Variants in MYO16 observed in about 807,000 individuals in gnomAD.
MYO16 encodes myosin XVI, also known as unconventional myosin-XVI.
In MYO16, 94 loss-of-function variants were observed where a neutral mutation model predicts 205.3. The observed-to-expected ratio is 0.46, with a 90% CI of 0.39 to 0.54. MYO16 has a LOEUF of 0.54. MYO16 is among the 20% of genes least tolerant of loss of function. The pLI is 0.00. For synonymous variants in MYO16, 988 were observed against 954.0 expected, an observed-to-expected ratio of 1.04 and a Z score of -0.66; for missense variants, 2,315 against 2,387.5, an observed-to-expected ratio of 0.97 and a Z score of 0.63.
intron 20 of MYO16, among the ~76,000 whole-genome samples, chr13:108,967,416 A>G (rs533807231): frequency 1.3e-5 from 2 of 152,150 alleles, no homozygotes; most frequent in Non-Finnish European, 2.9e-5. Flanking sequence ...AACCCTGGGT[A>G]TCTTGCAGGT....
chr13:108,746,709 C>T (rs939476794), intron 4 of MYO16, among the ~76,000 whole-genome samples: 7 of 151,990 alleles, frequency 4.6e-5, no homozygotes, highest in African/African-American at 1.7e-4. Flanking sequence ...GGGCGGAAGA[C>T]ATATTTGGTT....
intron 32 of MYO16, among the ~76,000 whole-genome samples, chr13:109,143,619 C>T (rs1474212730): frequency 3.3e-5 from 5 of 151,426 alleles, no homozygotes; most frequent in African/African-American, 1.2e-4. Flanking sequence ...CTAGACAGAC[C>T]TCATCATTTG....
chr13:109,041,397 G>C (rs1886880035), intron 23 of MYO16, among the ~76,000 whole-genome samples: 1 of 152,030 alleles, frequency 6.6e-6, no homozygotes, highest in South Asian at 2.1e-4. Flanking sequence ...TACATTGAAA[G>C]GTAAAGAAGA....
At chr13:108,794,497 T>G (rs7998729) in intron 6 of MYO16, among the ~76,000 whole-genome samples, 27,354 of 152,220 alleles carry the variant, frequency 0.18, 2,570 homozygotes, top group Middle Eastern at 0.24. Flanking sequence ...AGGAGCATGC[T>G]TTCATTTTAG....
chr13:108,917,244 C>A (rs940002931), intron 16 of MYO16, among the ~76,000 whole-genome samples: 95 of 150,124 alleles, frequency 6.3e-4, no homozygotes, highest in Non-Finnish European at 1.1e-3. Flanking sequence ...TGGCTCAGCC[C>A]AGGTCTTAGG....
chr13:108,821,752 C>T (rs1875982613), intron 8 of MYO16, among the ~76,000 whole-genome samples: 1 of 152,230 alleles, frequency 6.6e-6, no homozygotes, highest in South Asian at 2.1e-4. Flanking sequence ...GCAATGAATG[C>T]ACTTCTGGTC....
chr13:108,506,719 T>C, the MYO16 span, among the ~76,000 whole-genome samples: 2 of 152,162 alleles, frequency 1.3e-5, no homozygotes, highest in East Asian at 3.9e-4. Context: ...TAGAACTATG[T>C]TGAATAGAAG....
At chr13:108,827,126 AAAG>A (rs1876315119) in intron 9 of MYO16, among the ~76,000 whole-genome samples, 1 of 152,184 alleles carries the variant, frequency 6.6e-6, no homozygotes, top group Non-Finnish European at 1.5e-5. Context: ...GAACAATAAA[AAAG>A]GGGGAACAAC....
intron 28 of MYO16, among the ~76,000 whole-genome samples, chr13:109,111,879 G>A (rs749450592): frequency 2.0e-5 from 3 of 151,964 alleles, no homozygotes; most frequent in Non-Finnish European, 2.9e-5. Context: ...GTAGAGACAG[G>A]GTTTCACCAT....
At chr13:109,129,364 A>G (rs1876421439) in intron 31 of MYO16, among the ~76,000 whole-genome samples, 1 of 152,090 alleles carries the variant, frequency 6.6e-6, no homozygotes, top group Non-Finnish European at 1.5e-5. Flanking sequence ...ACGACATTAG[A>G]TGAGATCGTC....
chr13:108,846,135 T>C (rs1013276381), intron 10 of MYO16, among the ~76,000 whole-genome samples: 4 of 152,204 alleles, frequency 2.6e-5, no homozygotes, highest in African/African-American at 9.7e-5. Flanking sequence ...TTTAATACTA[T>C]CCTGTATAGA....
chr13:109,013,286 G>C (rs1885680276), intron 22 of MYO16, among the ~76,000 whole-genome samples: 1 of 152,048 alleles, frequency 6.6e-6, no homozygotes, highest in African/African-American at 2.4e-5. Context: ...TCACTACAAA[G>C]GACATGAACT....
rs545924902 is a variant in MYO16, at chr13:108,953,024, C to T, written c.1926-4664C>T. The stretch of plus-strand genomic sequence containing the variant: ...TGGGATAACATCTGTGGAGCTGAAG[C>T]GAGTCCACTGGCCACTGGGAAGTCC... On this transcript the variant is annotated intron_variant, in intron 16 of 34. Coordinates refer to ENST00000457511, the MANE Select transcript of MYO16 (RefSeq NM_001198950.3). Among the ~76,000 whole-genome samples, 6 of 152,118 alleles carry T rather than the reference C, an allele frequency of 3.9e-5. No homozygotes were observed. In the South Asian group the frequency reaches 1.2e-3, roughly 32 times the overall value.
chr13:109,036,304 A>C (rs1163888061), intron 23 of MYO16, among the ~76,000 whole-genome samples: 1 of 152,166 alleles, frequency 6.6e-6, no homozygotes, highest in African/African-American at 2.4e-5. Context: ...GACACCCTTC[A>C]GTTAGGAAGA....
intron 27 of MYO16, among the ~76,000 whole-genome samples, chr13:109,061,230 C>T (rs1021487095): frequency 2.6e-5 from 4 of 152,152 alleles, no homozygotes; most frequent in Admixed American, 2.0e-4. Context: ...TTCTCCATAT[C>T]GGCAATAAGG....
chr13:108,810,671 CT>C, intron 7 of MYO16, among the ~76,000 whole-genome samples: 1 of 148,110 alleles, frequency 6.8e-6, no homozygotes, highest in African/African-American at 2.4e-5. Flanking sequence ...ATAACTCTCT[CT>C]GAAGAAATTT....
chr13:108,906,252 G>A (rs986289690), intron 15 of MYO16, among the ~76,000 whole-genome samples: 4 of 152,144 alleles, frequency 2.6e-5, no homozygotes, highest in African/African-American at 7.2e-5. Flanking sequence ...GAGGAATGTC[G>A]AGAATACTTG....
intron 16 of MYO16, among the ~76,000 whole-genome samples, chr13:108,920,955 T>C (rs1407933473): frequency 6.6e-6 from 1 of 152,174 alleles, no homozygotes; most frequent in Non-Finnish European, 1.5e-5. Flanking sequence ...TTGCAGAGCG[T>C]GGCCCAAATG....
intron 27 of MYO16, among the ~76,000 whole-genome samples, chr13:109,088,919 C>T (rs1202599385): frequency 6.6e-6 from 1 of 152,198 alleles, no homozygotes; most frequent in Non-Finnish European, 1.5e-5. Context: ...CCGCTCCTTT[C>T]CCTTCCTCTG....
Sources: gnomAD v4.1 joint callset for allele counts (sites outside exome capture counted in the v4.1 genomes callset) on GRCh38, gnomAD v4.1.1 for gene constraint, MANE v1.5 for transcripts, NCBI Gene and HGNC (gene_info 2026-07-23, HGNC 2026-07-21) for gene names.